The following SVOPL variants were observed in gnomAD, a reference collection of about 807,000 sequenced individuals.
SVOPL encodes the protein putative transporter SVOPL.
SVOPL carries 60 observed loss-of-function variants against 61.0 expected under a neutral mutation model. That is an observed-to-expected ratio of 0.98 (90% CI 0.80 to 1.22). The LOEUF is 1.22. SVOPL is among the 50% of genes most tolerant of loss of function. SVOPL has a pLI of 0.00. For missense variants in SVOPL, 662 were observed against 643.9 expected (o/e 1.03, Z -0.30); for synonymous variants, 279 against 250.0 (o/e 1.12, Z -1.09).
chr7:138,642,839 A>C (rs1189257390), intron 9 of SVOPL, among the ~76,000 whole-genome samples: 1 of 46,548 alleles, frequency 2.1e-5, no homozygotes, highest in Non-Finnish European at 5.2e-5. Context: ...TCCAAAAAAA[A>C]AAAAAAAAAA....
At chr7:138,649,285 C>G (rs954970854) in intron 7 of SVOPL, 148 bp from the exon 8 acceptor site, 2 of 1,157,054 alleles carry the variant, frequency 1.7e-6, no homozygotes, top group Non-Finnish European at 2.3e-6. Flanking sequence ...CTTTGTCCAG[C>G]ATTTTGCCTT....
At chr7:138,600,863 T>TG (rs1798487132) in intron 14 of SVOPL, among the ~76,000 whole-genome samples, 1 of 152,054 alleles carries the variant, frequency 6.6e-6, no homozygotes. Flanking sequence ...TGACTGTCAG[T>TG]GGTAAAGCCA....
Position 138,628,317 on chromosome 7 carries a change from C to A in SVOPL, c.910G>T (p.Glu304Ter), listed in dbSNP as rs1012127080. ...CAGACCAAGTCCCGCTCCAGCAGCT[C>A]AGCACTGGCCAGGATAACCCCATAG... ...AYYGVILASAELLERDLVCGS... is the reference protein window; with the variant it reads ...AYYGVILASA The change falls in exon 11 of 16, where the codon GAG becomes TAG. Residue 304 changes from glutamate (E) to a stop codon, truncating the protein, a stop_gained. Coordinates refer to ENST00000674285, the MANE Select transcript of SVOPL (RefSeq NM_001139456.2). LOFTEE classifies it high-confidence loss of function. The A allele has an allele frequency of 1.9e-6, 3 of 1,614,046 alleles. No individual in the cohort carries two copies. In the African/African-American group the frequency reaches 4.0e-5, roughly 22 times the overall value.
chr7:138,659,007 CATT>C (rs1051560887), intron 6 of SVOPL, among the ~76,000 whole-genome samples: 2 of 151,992 alleles, frequency 1.3e-5, no homozygotes, highest in Non-Finnish European at 2.9e-5. Flanking sequence ...GGACATGCCT[CATT>C]ATATCCCTCT....
chr7:138,630,680 C>A (rs545989779), intron 9 of SVOPL, among the ~76,000 whole-genome samples: 15 of 152,232 alleles, frequency 9.9e-5, no homozygotes, highest in African/African-American at 3.6e-4. Context: ...TGGGGGCTCA[C>A]GCCTGTAATC....
At chr7:138,629,645 A>G (rs929071709) in intron 10 of SVOPL, among the ~76,000 whole-genome samples, 3 of 152,106 alleles carry the variant, frequency 2.0e-5, no homozygotes, top group Admixed American at 6.6e-5. Flanking sequence ...TGTTTAGAAA[A>G]TCTTTGCTTA....
chr7:138,599,149 A>AC (rs1798402493), intron 14 of SVOPL, among the ~76,000 whole-genome samples: 3 of 59,190 alleles, frequency 5.1e-5, no homozygotes, highest in South Asian at 4.6e-4. Flanking sequence ...TCCAAAAAAA[A>AC]AAAAAAAACC....
At chr7:138,621,271 G>C (rs1799554837) in intron 13 of SVOPL, 136 bp from the exon 14 acceptor site, 1 of 578,670 alleles carries the variant, frequency 1.7e-6, no homozygotes, top group Non-Finnish European at 2.8e-6. Context: ...GGAATAGAAG[G>C]TGTTGATTTT....
chr7:138,693,975 ACCCGCACCGTACCTTCACATTAAAGG>A (rs1189007145), intron 1 of SVOPL, among the ~76,000 whole-genome samples: 1 of 151,846 alleles, frequency 6.6e-6, no homozygotes, highest in Non-Finnish European at 1.5e-5. Flanking sequence ...AACTGTGTTC[ACCCGCACCGTACCTTCACATTAAAGG>A]GAGTTATAAT....
At chr7:138,611,893 TG>T (rs1554453532) in intron 14 of SVOPL, among the ~76,000 whole-genome samples, 7 of 66,444 alleles carry the variant, frequency 1.1e-4, no homozygotes, top group South Asian at 6.7e-4. Context: ...GTCTGGGAGG[TG>T]TGCCCAACAG....
chr7:138,599,817 G>A (rs1266207553), intron 14 of SVOPL, among the ~76,000 whole-genome samples: 3 of 151,008 alleles, frequency 2.0e-5, no homozygotes, highest in African/African-American at 7.3e-5. Flanking sequence ...GAACCCAGGA[G>A]GCAGAGGTTG....
chr7:138,674,045 G>T (rs946503070), intron 3 of SVOPL, among the ~76,000 whole-genome samples: 1 of 151,924 alleles, frequency 6.6e-6, no homozygotes, highest in African/African-American at 2.4e-5. Flanking sequence ...TAAATTAGCT[G>T]GGCGTGGTGG....
Position 138,628,281 on chromosome 7 carries a change from A to T in SVOPL, c.946T>A (p.Ser316Thr). 1.2e-6 allele frequency: 2 copies of T among 1,614,192 alleles called. No individual in the cohort carries two copies. Among genetic ancestry groups the T allele is most frequent in the Non-Finnish European group, 1.7e-6 (2 of 1,180,028 alleles). ...LERDLVCGSK[S>T]DSAVVVTGGD... ...CCAGTCACCACCACCGCAGAGTCTGACTTTGAACCACAGACCAAGTCCCGC... is the reference window on the plus strand; with the variant it reads ...CCAGTCACCACCACCGCAGAGTCTGTCTTTGAACCACAGACCAAGTCCCGC... The change falls in exon 11 of 16, where the codon TCA (serine) becomes ACA (threonine). Residue 316 changes from serine (S) to threonine (T), a missense_variant. Transcript: ENST00000674285.
At chr7:138,660,954 A>G in intron 5 of SVOPL, 3 of 983,338 alleles carry the variant, frequency 3.1e-6, no homozygotes, top group Non-Finnish European at 3.6e-6. Flanking sequence ...ATATCTTGCT[A>G]TGTATTTTGT....
intron 8 of SVOPL, 139 bp downstream of exon 8, chr7:138,648,873 G>A: frequency 7.7e-7 from 1 of 1,305,168 alleles, no homozygotes; most frequent in South Asian, 1.6e-5. Flanking sequence ...AGTGAGCCGA[G>A]ATTGCACCTC....
intron 14 of SVOPL, among the ~76,000 whole-genome samples, chr7:138,603,774 A>C (rs1584769280): frequency 6.6e-6 from 1 of 151,862 alleles, no homozygotes; most frequent in African/African-American, 2.4e-5. Context: ...TCTGTATTAT[A>C]CCCTCCAATG....
chr7:138,609,879 C>T (rs1422971585), intron 14 of SVOPL, among the ~76,000 whole-genome samples: 1 of 151,956 alleles, frequency 6.6e-6, no homozygotes, highest in African/African-American at 2.4e-5. Context: ...ATTAAAGGCA[C>T]CCGCCACCAC....
chr7:138,619,899 T>C (rs1799474441), intron 14 of SVOPL, among the ~76,000 whole-genome samples: 1 of 152,026 alleles, frequency 6.6e-6, no homozygotes, highest in Admixed American at 6.6e-5. Context: ...AGCTGCCACA[T>C]GCACAGGCAA....
chr7:138,618,704 A>ACG (rs199886108), intron 14 of SVOPL, among the ~76,000 whole-genome samples: 1 of 143,960 alleles, frequency 6.9e-6, no homozygotes, highest in Non-Finnish European at 1.5e-5. Context: ...ACGCGTGCAC[A>ACG]CGCGCGAGAG....
Sources: allele counts gnomAD v4.1 joint callset (sites outside exome capture counted in the v4.1 genomes callset), GRCh38; gene constraint gnomAD v4.1.1; transcripts MANE v1.5; gene names NCBI Gene and HGNC (gene_info 2026-07-23, HGNC 2026-07-21).